The following IL16 variants were observed in gnomAD, a reference collection of about 807,000 sequenced individuals.
The protein encoded by IL16 is pro-interleukin-16.
A neutral mutation model predicts 110.1 loss-of-function variants in IL16; 67 were observed. That is an observed-to-expected ratio of 0.61 (90% CI 0.50 to 0.75). The LOEUF (loss-of-function observed/expected upper bound fraction) is 0.75, where lower values mean the gene tolerates loss of function less well. IL16 is among the 30% of genes least tolerant of loss of function. The probability of loss-of-function intolerance (pLI) is 0.00; values close to 1 mark genes in which losing one functional copy is unlikely to be tolerated. For synonymous variants in IL16, 689 were observed against 662.9 expected (o/e 1.04, Z -0.61); for missense variants, 1,545 against 1,655.0 (o/e 0.93, Z 1.15).
chr15:81,225,038 C>T (rs1896740294), intron 1 of IL16, among the ~76,000 whole-genome samples: 1 of 152,162 alleles, frequency 6.6e-6, no homozygotes, highest in Non-Finnish European at 1.5e-5. Context: ...CTCTCTGCAC[C>T]TCAGTTCCCT....
At chr15:81,243,481 G>A (rs1035366209) in intron 2 of IL16, among the ~76,000 whole-genome samples, 2 of 151,784 alleles carry the variant, frequency 1.3e-5, no homozygotes, top group Non-Finnish European at 2.9e-5. Flanking sequence ...CACCATGTCT[G>A]GCCATGCATC....
At chr15:81,245,580 T>C (rs1897510223) in intron 2 of IL16, among the ~76,000 whole-genome samples, 1 of 147,920 alleles carries the variant, frequency 6.8e-6, no homozygotes, top group South Asian at 2.1e-4. Flanking sequence ...CTGGGAAAGA[T>C]GGAAGTCTAG....
chr15:81,205,939 A>G lies in IL16; in HGVS notation c.-102+8787A>G, dbSNP rs553832729. Among the ~76,000 whole-genome samples, 17 of 152,338 alleles carry G rather than the reference A, an allele frequency of 1.1e-4. No individual in the cohort carries two copies. The South Asian group carries it at 3.5e-3, about 32-fold the overall frequency. On this transcript the variant is annotated intron_variant, in intron 1 of 18. Transcript: ENST00000683961. ...AAGAATTACTTTTTTACAAAATGATAAAAAGAGCACTCAATGAAGGCATGA... is the reference window on the plus strand; with the variant it reads ...AAGAATTACTTTTTTACAAAATGATGAAAAGAGCACTCAATGAAGGCATGA...
chr15:81,237,703 G>A (rs936786267), intron 2 of IL16, among the ~76,000 whole-genome samples: 1 of 151,868 alleles, frequency 6.6e-6, no homozygotes, highest in Non-Finnish European at 1.5e-5. Flanking sequence ...TATTATACCT[G>A]TTTGTATATC....
intron 12 of IL16, chr15:81,295,635 C>G: frequency 2.0e-6 from 1 of 506,136 alleles, no homozygotes; most frequent in Non-Finnish European, 3.3e-6. Context: ...TTTTTAAGGG[C>G]TAGTTCGAGA....
intron 2 of IL16, among the ~76,000 whole-genome samples, chr15:81,252,934 C>CT (rs982068123): frequency 9.2e-5 from 14 of 152,214 alleles, no homozygotes; most frequent in African/African-American, 3.4e-4. Flanking sequence ...CTGCTTTGAA[C>CT]TTTTTTGTAC....
chr15:81,212,805 A>G (rs1014618750), intron 1 of IL16, among the ~76,000 whole-genome samples: 3 of 152,020 alleles, frequency 2.0e-5, no homozygotes, highest in Admixed American at 2.0e-4. Context: ...CTGTCTATCA[A>G]TCTTATTTAT....
chr15:81,298,726 G>A (rs1419574233), intron 13 of IL16, among the ~76,000 whole-genome samples: 1 of 152,230 alleles, frequency 6.6e-6, no homozygotes, highest in Non-Finnish European at 1.5e-5. Flanking sequence ...CCGAGAGCAA[G>A]CTGATCAATG....
chr15:81,295,317 T>A, intron 12 of IL16: 1 of 1,104,538 alleles, frequency 9.1e-7, no homozygotes, highest in Non-Finnish European at 1.1e-6. Context: ...TTGTGTAAAA[T>A]CAAATTTATT....
chr15:81,232,070 T>TC (rs1897024557), intron 2 of IL16, among the ~76,000 whole-genome samples: 1 of 142,194 alleles, frequency 7.0e-6, no homozygotes, highest in African/African-American at 2.7e-5. Context: ...TTTTTTTCTT[T>TC]TTTTTTTCAC....
chr15:81,282,692 A>G lies in IL16; in HGVS notation c.1135A>G (p.Ile379Val). Residue 379 changes from isoleucine (I) to valine (V), a missense_variant, in exon 9 of 19, where the codon ATC (isoleucine) becomes GTC (valine). By Grantham distance (29) the Ile-to-Val change is conservative. Around this residue, in one of 3 missense-constraint regions of IL16, gnomAD observed 1,185 missense variants for 1,238.8 expected, o/e 0.96. Coordinates refer to ENST00000683961, the MANE Select transcript of IL16 (RefSeq NM_172217.5). ...GLCSVPYFQC[I>V]SGIFVHTLSP... is the part of the protein sequence containing the mutation. ...GTGCAGCGTTCCCTACTTCCAATGCATCTCTGGCATTTTCGTCCACACGCT... is the reference window on the plus strand; with the variant it reads ...GTGCAGCGTTCCCTACTTCCAATGCGTCTCTGGCATTTTCGTCCACACGCT... 1 of 1,614,126 alleles carries G rather than the reference A, an allele frequency of 6.2e-7. No homozygotes were observed. Among genetic ancestry groups the G allele is most frequent in the Non-Finnish European group, 8.5e-7 (1 of 1,180,040 alleles).
upstream of IL16, among the ~76,000 whole-genome samples, chr15:81,195,786 A>C (rs1421089199): frequency 6.6e-6 from 1 of 152,202 alleles, no homozygotes; most frequent in Non-Finnish European, 1.5e-5. Context: ...CACAGGGCTC[A>C]CAGAGACTGA....
intron 15 of IL16, among the ~76,000 whole-genome samples, chr15:81,302,551 T>G (rs545414036): frequency 6.6e-6 from 1 of 152,296 alleles, no homozygotes; most frequent in African/African-American, 2.4e-5. Context: ...CTTCCATGCC[T>G]TTGGGTCTTA....
chr15:81,313,221 T>C lies in IL16; in HGVS notation c.*4423T>C. On this transcript the variant is annotated 3_prime_UTR_variant, in exon 19 of 19. Coordinates refer to ENST00000683961, the MANE Select transcript of IL16 (RefSeq NM_172217.5). ...CCAACAGCTGGAGCTCCTCGATGAGTCACGGGAGTTCTTTGCCAAGAAGTA... is the reference window on the plus strand; with the variant it reads ...CCAACAGCTGGAGCTCCTCGATGAGCCACGGGAGTTCTTTGCCAAGAAGTA... The C allele has an allele frequency of 6.7e-7, 1 of 1,502,364 alleles. No homozygotes were observed. The highest frequency in any genetic ancestry group is 8.9e-7 in the Non-Finnish European group (1 of 1,119,656). The allele number at this position is 1,502,364 out of a possible 1,614,324, so 93.1% of individuals were successfully genotyped here.
At chr15:81,278,458 G>A (rs1176730064) in intron 6 of IL16, among the ~76,000 whole-genome samples, 1 of 152,220 alleles carries the variant, frequency 6.6e-6, no homozygotes, top group Non-Finnish European at 1.5e-5. Context: ...GACCATTGTG[G>A]AAAATGCAGG....
intron 2 of IL16, among the ~76,000 whole-genome samples, chr15:81,233,983 C>A (rs1897100842): frequency 6.6e-6 from 1 of 151,992 alleles, no homozygotes; most frequent in Non-Finnish European, 1.5e-5. Flanking sequence ...ACCTTTATAA[C>A]TTTTTATGTT....
rs758294731 is a variant in IL16, at chr15:81,225,676, C to A, written c.277C>A (p.Arg93=). The change falls in exon 2 of 19, where the codon CGA becomes AGA. Residue 93 remains arginine, a synonymous_variant. Transcript: ENST00000683961. ...AAQLQAAGND[R]GKTCRRIFFM... is the part of the protein sequence containing the mutation. Reference sequence around the variant, plus strand: ...TCAACTCCAAGCAGCTGGGAATGATCGAGGCAAGACCTGTAGGAGGATATT... The same window carrying A: ...TCAACTCCAAGCAGCTGGGAATGATAGAGGCAAGACCTGTAGGAGGATATT... 22 of 1,613,390 alleles carry A rather than the reference C, an allele frequency of 1.4e-5. No individual in the cohort carries two copies. Among genetic ancestry groups the A allele is most frequent in the Non-Finnish European group, 1.9e-5 (22 of 1,179,712 alleles).
intron 17 of IL16, 36 bp downstream of exon 17, chr15:81,306,202 C>G (rs764014269): frequency 1.2e-6 from 2 of 1,600,588 alleles, no homozygotes; most frequent in Non-Finnish European, 1.7e-6. Context: ...CCACATGGGC[C>G]ACATCCTCTT....
rs139730811 is a variant in IL16 at position 81,264,700 on chromosome 15, T to G, written c.422-959T>G. On this transcript the variant is annotated intron_variant, in intron 3 of 18. Coordinates refer to ENST00000683961, the MANE Select transcript of IL16 (RefSeq NM_172217.5). ...GGAACTGCCCAACACATTAGCCACATGTAGTCTTGAGCACTTGAAATGTGA... is the reference window on the plus strand; with the variant it reads ...GGAACTGCCCAACACATTAGCCACAGGTAGTCTTGAGCACTTGAAATGTGA... 5.8e-4 allele frequency among the ~76,000 whole-genome samples: 88 copies of G among 151,084 alleles called. 1 individual carries two copies. In the East Asian group the frequency reaches 0.016, roughly 27 times the overall value.
Sources: gnomAD v4.1 joint callset for allele counts (sites outside exome capture counted in the v4.1 genomes callset) on GRCh38, gnomAD v4.1.1 for gene constraint, gnomAD v4.1.1 regional missense constraint, MANE v1.5 for transcripts, NCBI Gene and HGNC (gene_info 2026-07-23, HGNC 2026-07-21) for gene names.